The following SLC9A1 variants were observed in gnomAD, a reference collection of about 807,000 sequenced individuals.
The protein encoded by SLC9A1 is solute carrier family 9 member A1, also known as sodium/hydrogen exchanger 1.
In SLC9A1, 22 loss-of-function variants were observed where a neutral mutation model predicts 67.9. The ratio of observed to expected loss-of-function variants is 0.32; its 90% CI spans 0.23 to 0.46. SLC9A1 has a LOEUF of 0.46. Ranked by LOEUF, SLC9A1 falls within the 20% of genes least tolerant of loss-of-function variation. The pLI is 1.00. For missense variants in SLC9A1, 686 were observed against 1,094.8 expected (o/e 0.63, Z 5.27); for synonymous variants, 421 against 471.8 (o/e 0.89, Z 1.40).
At chr1:27,153,143 G>C (rs2083541186) in intron 1 of SLC9A1, among the ~76,000 whole-genome samples, 1 of 152,058 alleles carries the variant, frequency 6.6e-6, no homozygotes, top group Admixed American at 6.6e-5. Context: ...AGTCTCTTCA[G>C]GCCTGAACAT....
At chr1:27,147,342 A>C (rs2083494594) in intron 1 of SLC9A1, among the ~76,000 whole-genome samples, 1 of 150,966 alleles carries the variant, frequency 6.6e-6, no homozygotes, top group Non-Finnish European at 1.5e-5. Context: ...AAATACAAAA[A>C]TTAGCTGGGG....
rs148388109 is a variant in SLC9A1, at chr1:27,133,899, G to C, written c.353-19613C>G. On this transcript the variant is annotated intron_variant, in intron 1 of 11. Coordinates refer to ENST00000263980, the MANE Select transcript of SLC9A1 (RefSeq NM_003047.5). ...CCTGCCGCAGCCTCCCGAGTAGCTG[G>C]AATTACAGGTGCCTGCCACCACACC... is the stretch of plus-strand genomic sequence containing the variant. Among the ~76,000 whole-genome samples, 30 of 152,006 alleles carry C rather than the reference G, an allele frequency of 2.0e-4. 2 individuals are homozygous for C. The East Asian group carries it at 5.8e-3, about 29-fold the overall frequency.
At chr1:27,130,104 G>A (rs2083374649) in intron 1 of SLC9A1, among the ~76,000 whole-genome samples, 1 of 152,136 alleles carries the variant, frequency 6.6e-6, no homozygotes, top group Non-Finnish European at 1.5e-5. Flanking sequence ...CATTTTGTTT[G>A]TTTGTTTGTT....
In SLC9A1 at chr1:27,101,639, T is replaced by C. The variant is rs539761829; in HGVS notation, c.2037+86A>G. ...CCCCTCGAAAGCCAAACCCTGTTCC[T>C]AGAATGGGTACATTTCCTTAGAGGC... On this transcript the variant is annotated intron_variant, in intron 10 of 11. Coordinates refer to ENST00000263980, the MANE Select transcript of SLC9A1 (RefSeq NM_003047.5). The surrounding 1 kb of genome is among the most constrained non-coding windows in gnomAD (Gnocchi z 4.9). The C allele has an allele frequency of 1.0e-6, 1 of 975,150 alleles. No individual in the cohort carries two copies. Among genetic ancestry groups the C allele is most frequent in the East Asian group, 2.6e-5 (1 of 38,500 alleles). The allele number at this position is 975,150 out of a possible 1,614,324, so 60.4% of individuals were successfully genotyped here. A position where few individuals can be genotyped will look rare whatever the true frequency, so the allele number is the denominator to read the frequency against.
intron 1 of SLC9A1, among the ~76,000 whole-genome samples, chr1:27,127,765 C>T (rs751516422): frequency 1.3e-5 from 2 of 152,214 alleles, no homozygotes; most frequent in African/African-American, 4.8e-5. Context: ...CTGGCACTGC[C>T]TCCTGCACAA....
intron 2 of SLC9A1, among the ~76,000 whole-genome samples, chr1:27,112,144 G>A (rs141856246): frequency 1.3e-5 from 2 of 152,334 alleles, no homozygotes; most frequent in East Asian, 3.9e-4. Flanking sequence ...GTCACAGATG[G>A]GGAAACTCAG....
chr1:27,100,241 C>T lies in SLC9A1; in HGVS notation c.*66G>A, dbSNP rs2083130544. 9 of 1,257,754 alleles carry T rather than the reference C, an allele frequency of 7.2e-6. No individual in the cohort carries two copies. The highest frequency in any genetic ancestry group is 9.7e-6 in the Non-Finnish European group (9 of 927,186). The allele number at this position is 1,257,754 out of a possible 1,614,324, so 77.9% of individuals were successfully genotyped here. ...CCGGGTCAGGAAGGGCAAGGGGAGCCCCCAGCAGCCCCTGCTCTGGTGGAA... is the reference window on the plus strand; with the variant it reads ...CCGGGTCAGGAAGGGCAAGGGGAGCTCCCAGCAGCCCCTGCTCTGGTGGAA... On this transcript the variant is annotated 3_prime_UTR_variant, in exon 12 of 12. Coordinates refer to ENST00000263980, the MANE Select transcript of SLC9A1 (RefSeq NM_003047.5). This position sits in a 1 kb window ranked among gnomAD's most constrained non-coding sequence, Gnocchi z 5.6.
chr1:27,113,719 T>C, intron 2 of SLC9A1, 107 bp downstream of exon 2: 1 of 860,700 alleles, frequency 1.2e-6, no homozygotes, highest in Non-Finnish European at 1.9e-6. Context: ...GGAATGTGCC[T>C]CAGCTGTTTT....
rs77069474 is a variant in SLC9A1 at position 27,149,773 on chromosome 1, G to A, written c.352+4210C>T. On this transcript the variant is annotated intron_variant, in intron 1 of 11. Transcript: ENST00000263980. ...ATGGTCACACAGGTACTGAGAGGCA[G>A]CATCAGGAGCAGAACCCAGGGCTTC... Among the ~76,000 whole-genome samples the A allele has an allele frequency of 8.4e-3, 1,284 of 152,316 alleles. 22 individuals are homozygous for A. The highest frequency in any genetic ancestry group is 0.03 in the African/African-American group (1,234 of 41,570).
chr1:27,145,396 T>C (rs76692181), intron 1 of SLC9A1, among the ~76,000 whole-genome samples: 2,594 of 152,364 alleles, frequency 0.017, 27 homozygotes, highest in Non-Finnish European at 0.027. Context: ...TGATTTCAGC[T>C]GACCTGCCTC....
intron 5 of SLC9A1, 61 bp downstream of exon 5, chr1:27,105,824 T>G: frequency 7.1e-7 from 1 of 1,409,852 alleles, no homozygotes; most frequent in Admixed American, 1.7e-5. Context: ...TTCCTCTCTT[T>G]CCACGGGAAC....
At chr1:27,126,534 G>A (rs1304545461) in intron 1 of SLC9A1, among the ~76,000 whole-genome samples, 4 of 152,142 alleles carry the variant, frequency 2.6e-5, no homozygotes, top group Admixed American at 6.6e-5. Flanking sequence ...ACCCAGTCAC[G>A]CTCAGTTCTG....
At chr1:27,132,093 C>T (rs946746251) in intron 1 of SLC9A1, among the ~76,000 whole-genome samples, 21 of 151,468 alleles carry the variant, frequency 1.4e-4, no homozygotes, top group Middle Eastern at 3.4e-3. Flanking sequence ...GGCTAGGTTA[C>T]AGGGCCAAGC....
At chr1:27,104,554 A>AT (rs894623334) in intron 5 of SLC9A1, among the ~76,000 whole-genome samples, 13 of 148,838 alleles carry the variant, frequency 8.7e-5, no homozygotes, top group African/African-American at 9.9e-5. Flanking sequence ...ATACCCACTA[A>AT]TTTTTTTTTT....
intron 1 of SLC9A1, among the ~76,000 whole-genome samples, chr1:27,151,010 G>A (rs556601074): frequency 6.6e-6 from 1 of 152,256 alleles, no homozygotes; most frequent in Admixed American, 6.5e-5. Flanking sequence ...GAGTGCAGAG[G>A]GAGCATGGCC....
At chr1:27,124,792 C>T (rs928425927) in intron 1 of SLC9A1, among the ~76,000 whole-genome samples, 2 of 152,016 alleles carry the variant, frequency 1.3e-5, no homozygotes, top group Non-Finnish European at 1.5e-5. Context: ...AGTGACCTCT[C>T]AGAAGGGCCA....
chr1:27,139,826 G>A (rs1354941497), intron 1 of SLC9A1, among the ~76,000 whole-genome samples: 1 of 147,118 alleles, frequency 6.8e-6, no homozygotes, highest in Non-Finnish European at 1.5e-5. Flanking sequence ...ACAGAGTTTC[G>A]CTGTCGCCCA....
intron 1 of SLC9A1, among the ~76,000 whole-genome samples, chr1:27,122,008 C>A (rs1033615706): frequency 6.6e-6 from 1 of 152,136 alleles, no homozygotes; most frequent in African/African-American, 2.4e-5. Context: ...CCTAGCTACT[C>A]AGGAGAGTGA....
chr1:27,105,567 G>A, intron 5 of SLC9A1: 1 of 633,314 alleles, frequency 1.6e-6, no homozygotes, highest in Non-Finnish European at 2.9e-6. Flanking sequence ...AAAGTGCTGG[G>A]ATTACAGGCG....
Sources: gnomAD v4.1 joint callset for allele counts (sites outside exome capture counted in the v4.1 genomes callset) on GRCh38, gnomAD v4.1.1 for gene constraint, Gnocchi (gnomAD v3.1) non-coding constraint, MANE v1.5 for transcripts, NCBI Gene and HGNC (gene_info 2026-07-23, HGNC 2026-07-21) for gene names.